Variants in SNTG1 observed in about 807,000 individuals in gnomAD.
The protein encoded by SNTG1 is syntrophin gamma 1.
SNTG1 carries 39 observed loss-of-function variants against 74.7 expected under a neutral mutation model. The ratio of observed to expected loss-of-function variants is 0.52; its 90% confidence interval spans 0.40 to 0.68. The LOEUF is 0.68. SNTG1 is among the 30% of genes least tolerant of loss of function. The probability of loss-of-function intolerance (pLI) is 0.00; values close to 1 mark genes in which losing one functional copy is unlikely to be tolerated. For missense variants in SNTG1, 685 were observed against 609.5 expected (o/e 1.12, Z -1.30); for synonymous variants, 254 against 217.1 (o/e 1.17, Z -1.49).
chr8:50,141,904 A>C (rs952201734), intron 1 of SNTG1, among the ~76,000 whole-genome samples: 1 of 152,100 alleles, frequency 6.6e-6, no homozygotes, highest in Non-Finnish European at 1.5e-5. Flanking sequence ...CTGGGCATAT[A>C]TATGTGTGTT....
chr8:50,276,248 A>G (rs1450125), intron 2 of SNTG1, among the ~76,000 whole-genome samples: 7,458 of 152,054 alleles, frequency 0.049, 230 homozygotes, highest in Middle Eastern at 0.11. Flanking sequence ...ACAGACCTAC[A>G]AGCTCTCAAC....
chr8:50,603,376 T>A (rs1007790230), intron 13 of SNTG1, among the ~76,000 whole-genome samples: 76 of 152,328 alleles, frequency 5.0e-4, no homozygotes, highest in Admixed American at 4.8e-3. Flanking sequence ...TTTCAATCAC[T>A]TTGTGAAATT....
intron 1 of SNTG1, among the ~76,000 whole-genome samples, chr8:49,929,866 CT>C (rs1807399036): frequency 9.9e-6 from 1 of 100,962 alleles, no homozygotes; most frequent in East Asian, 3.8e-4. Flanking sequence ...TCCCTCCCCC[CT>C]CCCCCCACCC....
chr8:50,047,866 G>T (rs1819232102), intron 1 of SNTG1, among the ~76,000 whole-genome samples: 1 of 152,108 alleles, frequency 6.6e-6, no homozygotes, highest in Non-Finnish European at 1.5e-5. Context: ...GATGATTTTT[G>T]AAAATTATGC....
At position 50,120,626 on chromosome 8, in the gene SNTG1, C is replaced by T. The variant is rs531644967; in HGVS notation, c.-102-51935C>T. Reference sequence around the variant, plus strand: ...ATTATTACTGCCATCTTTATACTACCATCACCTCTGTCACTACCAACCTCA... The same window carrying T: ...ATTATTACTGCCATCTTTATACTACTATCACCTCTGTCACTACCAACCTCA... On this transcript the variant is annotated intron_variant, in intron 1 of 18. Coordinates refer to ENST00000642720, the MANE Select transcript of SNTG1 (RefSeq NM_018967.5). Among the ~76,000 whole-genome samples the T allele has an allele frequency of 1.4e-5, 2 of 141,614 alleles. 1 individual carries two copies. Among genetic ancestry groups the T allele is most frequent in the South Asian group, 5.3e-4 (2 of 3,784 alleles). The allele number at this position is 141,614 out of a possible 152,430, so 92.9% of individuals were successfully genotyped here.
intron 15 of SNTG1, among the ~76,000 whole-genome samples, chr8:50,668,496 AT>A (rs2095261506): frequency 2.6e-4 from 1 of 3,842 alleles, no homozygotes; most frequent in African/African-American, 5.1e-4. Flanking sequence ...TCTTTCGCAC[AT>A]TATTATTATT....
intron 9 of SNTG1, among the ~76,000 whole-genome samples, chr8:50,508,106 C>G (rs1256153774): frequency 6.6e-6 from 1 of 152,134 alleles, no homozygotes; most frequent in African/African-American, 2.4e-5. Context: ...ATGTGATGTT[C>G]CCCTTCCTGT....
intron 2 of SNTG1, among the ~76,000 whole-genome samples, chr8:50,232,533 G>A (rs1190800736): frequency 1.3e-5 from 2 of 151,294 alleles, no homozygotes; most frequent in African/African-American, 2.4e-5. Context: ...TAGACACAAG[G>A]CAAGATGTTT....
intron 2 of SNTG1, among the ~76,000 whole-genome samples, chr8:50,239,952 A>G (rs1490736126): frequency 1.3e-5 from 2 of 152,206 alleles, no homozygotes; most frequent in African/African-American, 4.8e-5. Flanking sequence ...TTCTGATATA[A>G]GAACAACCTT....
At chr8:50,690,815 G>T (rs144403803) in intron 15 of SNTG1, among the ~76,000 whole-genome samples, 15,520 of 152,044 alleles carry the variant, frequency 0.1, 2,222 homozygotes, top group African/African-American at 0.32. Context: ...TTAACTTTCT[G>T]TCTCGTTGAT....
intron 2 of SNTG1, among the ~76,000 whole-genome samples, chr8:50,248,657 A>C (rs990422295): frequency 2.6e-5 from 4 of 152,176 alleles, no homozygotes; most frequent in Non-Finnish European, 5.9e-5. Flanking sequence ...ATCTAGATAT[A>C]TCCAGAGACC....
At chr8:50,266,672 G>C (rs187305904) in intron 2 of SNTG1, among the ~76,000 whole-genome samples, 1 of 129,344 alleles carries the variant, frequency 7.7e-6, no homozygotes, top group Non-Finnish European at 1.6e-5. Flanking sequence ...GTGTGTGTGT[G>C]TGTGTGTGTG....
chr8:49,948,052 G>A (rs1376162257), intron 1 of SNTG1, among the ~76,000 whole-genome samples: 2 of 151,882 alleles, frequency 1.3e-5, no homozygotes, highest in Non-Finnish European at 2.9e-5. Flanking sequence ...ACTTGCTTGA[G>A]CCTGGGAAGC....
At chr8:50,264,546 A>G (rs1169355047) in intron 2 of SNTG1, among the ~76,000 whole-genome samples, 2 of 151,630 alleles carry the variant, frequency 1.3e-5, no homozygotes, top group Admixed American at 6.6e-5. Flanking sequence ...CTCCAGCCTG[A>G]GCAACAGAGC....
At chr8:50,707,251 G>C (rs1459516357) in intron 16 of SNTG1, among the ~76,000 whole-genome samples, 1 of 151,956 alleles carries the variant, frequency 6.6e-6, no homozygotes, top group Non-Finnish European at 1.5e-5. Context: ...ACATTTTCTT[G>C]TTTAAATGAC....
At chr8:50,245,713 C>T (rs1243293916) in intron 2 of SNTG1, among the ~76,000 whole-genome samples, 3 of 151,664 alleles carry the variant, frequency 2.0e-5, no homozygotes, top group Non-Finnish European at 4.4e-5. Flanking sequence ...GAAAACAAAA[C>T]AAAAAAAGGA....
At chr8:50,694,816 T>C (rs946210017) in intron 15 of SNTG1, among the ~76,000 whole-genome samples, 1 of 151,184 alleles carries the variant, frequency 6.6e-6, no homozygotes, top group Non-Finnish European at 1.5e-5. Context: ...ATTAATGAAA[T>C]GAAGGACAAA....
intron 1 of SNTG1, among the ~76,000 whole-genome samples, chr8:50,053,623 TTGTGTGTGTGTG>T (rs60947505): frequency 3.0e-5 from 4 of 134,430 alleles, no homozygotes; most frequent in Admixed American, 7.7e-5. Context: ...ATATATATAA[TTGTGTGTGTGTG>T]TGTGTGTGTG....
intron 18 of SNTG1, among the ~76,000 whole-genome samples, chr8:50,778,041 T>G (rs1453248112): frequency 6.6e-6 from 1 of 152,224 alleles, no homozygotes; most frequent in Non-Finnish European, 1.5e-5. Flanking sequence ...CTCATCATTT[T>G]TTATGGCCGC....
Sources: allele counts gnomAD v4.1 joint callset (sites outside exome capture counted in the v4.1 genomes callset), GRCh38; gene constraint gnomAD v4.1.1; transcripts MANE v1.5; gene names NCBI Gene and HGNC (gene_info 2026-07-23, HGNC 2026-07-21).